Variants in ARB2A observed in about 807,000 individuals in gnomAD.
The protein encoded by ARB2A is cotranscriptional regulator ARB2A.
At chr5:93,776,319 T>G in the ARB2A span, 5 of 1,166,312 alleles carry the variant, frequency 4.3e-6, no homozygotes, top group Non-Finnish European at 6.2e-6. Context: ...GTTTAATTTA[T>G]CCTATAAAAT....
At chr5:93,698,267 A>C in the ARB2A span, among the ~76,000 whole-genome samples, 2 of 152,222 alleles carry the variant, frequency 1.3e-5, no homozygotes, top group Admixed American at 1.3e-4. Context: ...TTAATTCAAC[A>C]AATATTTGTT....
the ARB2A span, among the ~76,000 whole-genome samples, chr5:93,623,805 C>A: frequency 6.6e-6 from 1 of 152,022 alleles, no homozygotes; most frequent in Non-Finnish European, 1.5e-5. Context: ...GGAGAGAATT[C>A]TCCCTAAACT....
the ARB2A span, among the ~76,000 whole-genome samples, chr5:93,800,615 A>G: frequency 6.6e-6 from 1 of 152,174 alleles, no homozygotes; most frequent in South Asian, 2.1e-4. Context: ...AGTGCGTATT[A>G]AAACAAAAAT....
chr5:93,824,457 T>C, the ARB2A span, among the ~76,000 whole-genome samples: 3 of 152,100 alleles, frequency 2.0e-5, no homozygotes, highest in African/African-American at 4.8e-5. Context: ...TTCAAAAAGT[T>C]TGTAAAAAAA....
At chr5:93,824,132 T>C in the ARB2A span, 1 of 1,546,536 alleles carries the variant, frequency 6.5e-7, no homozygotes, top group Non-Finnish European at 8.7e-7. Flanking sequence ...CTACAGAGAG[T>C]AAAATAAGCA....
the ARB2A span, among the ~76,000 whole-genome samples, chr5:93,665,227 T>G: frequency 6.6e-6 from 1 of 152,218 alleles, no homozygotes; most frequent in African/African-American, 2.4e-5. Flanking sequence ...TACTAAAAAA[T>G]AAAAGAAATC....
At chr5:93,817,764 T>C in the ARB2A span, among the ~76,000 whole-genome samples, 1 of 152,260 alleles carries the variant, frequency 6.6e-6, no homozygotes, top group South Asian at 2.1e-4. Context: ...TAAATATCCA[T>C]ATTCAAAAGA....
the ARB2A span, among the ~76,000 whole-genome samples, chr5:93,697,343 C>G: frequency 6.6e-6 from 1 of 152,014 alleles, no homozygotes; most frequent in Non-Finnish European, 1.5e-5. Context: ...CTTGACCCAT[C>G]CCTGTAACAA....
chr5:93,919,379 AT>A, the ARB2A span, among the ~76,000 whole-genome samples: 1 of 152,156 alleles, frequency 6.6e-6, no homozygotes, highest in African/African-American at 2.4e-5. Flanking sequence ...AGAAGAATCA[AT>A]TTTTTAAATA....
chr5:93,886,328 T>C, the ARB2A span, among the ~76,000 whole-genome samples: 13,261 of 151,770 alleles, frequency 0.087, 781 homozygotes, highest in Middle Eastern at 0.17. Context: ...CTTTGACCTA[T>C]GGAACTATCT....
the ARB2A span, among the ~76,000 whole-genome samples, chr5:93,779,124 T>TGTGTGCGCGCGC: frequency 1.1e-4 from 16 of 146,296 alleles, no homozygotes; most frequent in African/African-American, 4.1e-4. Flanking sequence ...TGTGTGTGTG[T>TGTGTGCGCGCGC]GCGCGCGCGC....
the ARB2A span, among the ~76,000 whole-genome samples, chr5:93,773,340 A>C: frequency 1.3e-5 from 2 of 152,324 alleles, no homozygotes; most frequent in African/African-American, 4.8e-5. Flanking sequence ...ATGGGTGATA[A>C]ATCCTGATTT....
chr5:93,810,287 T>C, the ARB2A span, among the ~76,000 whole-genome samples: 5 of 152,002 alleles, frequency 3.3e-5, no homozygotes, highest in African/African-American at 7.2e-5. Context: ...ACTAATTGTG[T>C]CCTTTGTGCA....
At chr5:93,789,200 G>A in the ARB2A span, among the ~76,000 whole-genome samples, 46 of 152,176 alleles carry the variant, frequency 3.0e-4, no homozygotes, top group African/African-American at 1.0e-3. Context: ...GTACTGTGAG[G>A]GTTACAGCAT....
chr5:93,699,486 T>C, the ARB2A span, among the ~76,000 whole-genome samples: 2 of 152,164 alleles, frequency 1.3e-5, no homozygotes, highest in Non-Finnish European at 1.5e-5. Flanking sequence ...ATAAAAAGAA[T>C]GCACTAGGAG....
chr5:93,955,854 C>A, the ARB2A span, among the ~76,000 whole-genome samples: 2 of 152,280 alleles, frequency 1.3e-5, no homozygotes, highest in East Asian at 3.9e-4. Flanking sequence ...TCTGCTCCTA[C>A]CACTGCCTCT....
chr5:93,961,748 G>A, the ARB2A span, among the ~76,000 whole-genome samples: 3 of 152,066 alleles, frequency 2.0e-5, no homozygotes, highest in African/African-American at 7.2e-5. Flanking sequence ...TAATTTTTAA[G>A]GGGCTACAAA....
the ARB2A span, among the ~76,000 whole-genome samples, chr5:94,072,786 T>C: frequency 6.6e-6 from 1 of 152,170 alleles, no homozygotes; most frequent in Non-Finnish European, 1.5e-5. Context: ...CATATCTTCA[T>C]TGCCATCTCC....
chr5:94,034,923 T>G, the ARB2A span, among the ~76,000 whole-genome samples: 1 of 152,120 alleles, frequency 6.6e-6, no homozygotes, highest in African/African-American at 2.4e-5. Flanking sequence ...TACTGTGAAC[T>G]GTACACGCAA....
Sources: gnomAD v4.1 joint callset for allele counts (sites outside exome capture counted in the v4.1 genomes callset) on GRCh38, gnomAD v4.1.1 for gene constraint, MANE v1.5 for transcripts, NCBI Gene and HGNC (gene_info 2026-07-23, HGNC 2026-07-21) for gene names.